WNK3: variants seen among roughly 807,000 people sequenced by gnomAD.
WNK3 encodes serine/threonine-protein kinase WNK3.
WNK3 carries 18 observed loss-of-function variants against 116.7 expected under a neutral mutation model. That is an observed-to-expected ratio of 0.15 (90% CI 0.11 to 0.23). The LOEUF is 0.23. Ranked by LOEUF, WNK3 falls within the 10% of genes least tolerant of loss-of-function variation. The pLI is 1.00. For synonymous variants in WNK3, 404 were observed against 469.4 expected (o/e 0.86, Z 1.80); for missense variants, 993 against 1,323.8 (o/e 0.75, Z 3.88).
chrX:54,340,013 G>A (rs1327389862), intron 1 of WNK3, among the ~76,000 whole-genome samples: 1 of 109,817 alleles, frequency 9.1e-6, no homozygotes, highest in African/African-American at 3.3e-5. Context: ...AGCCAGGCAT[G>A]GTGGCATGTG....
intron 17 of WNK3, among the ~76,000 whole-genome samples, chrX:54,242,622 C>T (rs1157522439): frequency 3.6e-5 from 4 of 112,183 alleles, no homozygotes; most frequent in Non-Finnish European, 7.5e-5. Flanking sequence ...TAAATCCATA[C>T]ATCTATATAG....
At chrX:54,293,156 CCTA>C in exon 9 of WNK3, 1 of 1,207,480 alleles carries the variant, frequency 8.3e-7, no homozygotes, top group Non-Finnish European at 1.1e-6. Context: ...CTGGTAATGT[CCTA>C]CTAGTTGCTG....
chrX:54,349,266 A>G (rs1289517019), intron 1 of WNK3, among the ~76,000 whole-genome samples: 1 of 112,095 alleles, frequency 8.9e-6, no homozygotes, highest in African/African-American at 3.2e-5. Context: ...TGAACCAGGG[A>G]GGCGGAGGTT....
intron 22 of WNK3, among the ~76,000 whole-genome samples, chrX:54,220,392 A>T (rs2067748713): frequency 1.9e-5 from 2 of 107,232 alleles, no homozygotes; most frequent in Admixed American, 2.0e-4. Flanking sequence ...CATCTCTATT[A>T]AAAAAAAAAT....
At chrX:54,309,865 T>G (rs782132062) in intron 3 of WNK3, among the ~76,000 whole-genome samples, 1 of 111,441 alleles carries the variant, frequency 9.0e-6, no homozygotes, top group African/African-American at 3.3e-5. Context: ...CTAAAAATCA[T>G]TCCAGAGTGG....
chrX:54,347,379 A>G (rs1436351551), intron 1 of WNK3, among the ~76,000 whole-genome samples: 4 of 111,639 alleles, frequency 3.6e-5, no homozygotes, highest in Non-Finnish European at 7.5e-5. Flanking sequence ...CCAGCTACTC[A>G]GGAGGCTGAG....
chrX:54,336,011 C>T (rs1387162510), intron 1 of WNK3, among the ~76,000 whole-genome samples: 2 of 112,081 alleles, frequency 1.8e-5, no homozygotes, highest in African/African-American at 3.2e-5. Flanking sequence ...CAAGAATAGC[C>T]GGGTGCAGTG....
chrX:54,208,792 A>G (rs2067582252), intron 22 of WNK3, among the ~76,000 whole-genome samples: 1 of 112,300 alleles, frequency 8.9e-6, no homozygotes, highest in African/African-American at 3.2e-5. Flanking sequence ...GGTTTATTAC[A>G]GTGAAAGATA....
At position 54,305,677 on chromosome X, in the gene WNK3, G is replaced by A. The variant is rs2068816080; in HGVS notation, c.1089+2245C>T. 2.7e-5 allele frequency among the ~76,000 whole-genome samples: 3 copies of A among 110,535 alleles called. No homozygotes were observed. In the South Asian group the frequency reaches 1.2e-3, roughly 44 times the overall value. ...AACCCACCATTATCAGTAGCTGCGG[G>A]AAGTTGGGCAAGGTACAACCTCTGA... On this transcript the variant is annotated intron_variant, in intron 5 of 23. Transcript: ENST00000354646.
At chrX:54,350,925 C>A (rs1557178434) in intron 1 of WNK3, among the ~76,000 whole-genome samples, 1 of 110,622 alleles carries the variant, frequency 9.0e-6, no homozygotes, top group African/African-American at 3.3e-5. Flanking sequence ...AAATCTCCTA[C>A]ATATATATAC....
At chrX:54,266,674 A>G (rs1557157787) in intron 10 of WNK3, among the ~76,000 whole-genome samples, 1 of 110,515 alleles carries the variant, frequency 9.0e-6, no homozygotes, top group Non-Finnish European at 1.9e-5. Context: ...AGTCGCTGAG[A>G]CTACAGGCAT....
intron 1 of WNK3, among the ~76,000 whole-genome samples, chrX:54,344,010 G>A (rs1270232531): frequency 9.0e-6 from 1 of 111,111 alleles, no homozygotes; most frequent in Non-Finnish European, 1.9e-5. Flanking sequence ...TAGCAACTTT[G>A]TAAATTAGAA....
chrX:54,335,879 C>A (rs1459289126), intron 1 of WNK3, among the ~76,000 whole-genome samples: 1 of 111,886 alleles, frequency 8.9e-6, no homozygotes, highest in East Asian at 2.8e-4. Flanking sequence ...CCTTAACAAC[C>A]TACTACAAAG....
At chrX:54,263,987 T>C (rs1333206221) in intron 10 of WNK3, among the ~76,000 whole-genome samples, 1 of 106,611 alleles carries the variant, frequency 9.4e-6, no homozygotes, top group Non-Finnish European at 1.9e-5. Flanking sequence ...CAGTTCAGCC[T>C]CCTGAGCAGC....
intron 21 of WNK3, among the ~76,000 whole-genome samples, chrX:54,230,117 T>G (rs1270144157): frequency 9.0e-6 from 1 of 111,402 alleles, no homozygotes; most frequent in African/African-American, 3.3e-5. Context: ...CTAAATCACA[T>G]GTCCTACAAA....
At chrX:54,353,242 T>C (rs1316034684) in intron 1 of WNK3, among the ~76,000 whole-genome samples, 4 of 111,442 alleles carry the variant, frequency 3.6e-5, no homozygotes, top group African/African-American at 1.3e-4. Context: ...GCGGATCACC[T>C]GAGGTCAGGA....
At chrX:54,270,604 T>G (rs1440423737) in intron 10 of WNK3, among the ~76,000 whole-genome samples, 1 of 108,497 alleles carries the variant, frequency 9.2e-6, no homozygotes. Context: ...CTGGGATACA[T>G]GTACAGAACG....
At chrX:54,300,039 T>C (rs2068742300) in intron 6 of WNK3, among the ~76,000 whole-genome samples, 1 of 110,591 alleles carries the variant, frequency 9.0e-6, no homozygotes, top group Admixed American at 9.7e-5. Context: ...TTTGTATTTC[T>C]TGTAGAGATG....
intron 2 of WNK3, among the ~76,000 whole-genome samples, chrX:54,325,075 T>C (rs1463135883): frequency 1.8e-5 from 2 of 112,015 alleles, no homozygotes; most frequent in African/African-American, 6.5e-5. Context: ...TTCCACTGCA[T>C]TGCTTTGAGT....
Sources: gnomAD v4.1 joint callset for allele counts (sites outside exome capture counted in the v4.1 genomes callset) on GRCh38, gnomAD v4.1.1 for gene constraint, MANE v1.5 for transcripts, NCBI Gene and HGNC (gene_info 2026-07-23, HGNC 2026-07-21) for gene names.